The following KCNC1 variants were observed in gnomAD, a reference collection of about 807,000 sequenced individuals.
KCNC1 encodes the protein voltage-gated potassium channel KCNC1.
In KCNC1, 8 loss-of-function variants were observed where a neutral mutation model predicts 43.4. That is an observed-to-expected ratio of 0.18 (90% confidence interval 0.11 to 0.33). The LOEUF (loss-of-function observed/expected upper bound fraction) is 0.33. Ranked by LOEUF, KCNC1 falls within the 10% of genes least tolerant of loss-of-function variation. The pLI, the probability that KCNC1 is intolerant of heterozygous loss-of-function variation, is 1.00. For missense variants in KCNC1, 420 were observed against 836.0 expected, an observed-to-expected ratio of 0.50 and a Z score of 6.14; for synonymous variants, 361 against 360.5, an observed-to-expected ratio of 1.00 and a Z score of -0.01.
rs1451385810 is a variant in KCNC1 at position 17,773,317 on chromosome 11, C to G, written c.1504+719C>G. 1.0e-6 allele frequency: 1 copy of G among 985,330 alleles called. No individual in the cohort carries two copies. The highest frequency in any genetic ancestry group is 1.2e-6 in the Non-Finnish European group (1 of 829,962). 61.0% of individuals were successfully genotyped at this position (985,330 alleles called of 1,614,324 possible). A position where few individuals can be genotyped will look rare whatever the true frequency, so the allele number is the denominator to read the frequency against. ...TCTTTAGGAACCTGTTGAAGTGACT[C>G]TAGCTTTCACGTTGTCTGTTTGGGT... On this transcript the variant is annotated intron_variant, in intron 2 of 3. Transcript: ENST00000265969. This position sits in a 1 kb window ranked among gnomAD's most constrained non-coding sequence, Gnocchi z 4.1.
At chr11:17,744,763 G>T (rs1848878934) in intron 1 of KCNC1, among the ~76,000 whole-genome samples, 1 of 152,098 alleles carries the variant, frequency 6.6e-6, no homozygotes, top group Admixed American at 6.5e-5. Flanking sequence ...CTGGGTAGGG[G>T]TGTTTGCGAT....
Position 17,739,362 on chromosome 11 carries a change from CGTGTGTGTGT to C in KCNC1, c.570+2818_570+2827del, listed in dbSNP as rs35211986. Among the ~76,000 whole-genome samples, 19,327 of 149,352 alleles carry C rather than the reference CGTGTGTGTGT, an allele frequency of 0.13. 1,474 individuals carry two copies. Among genetic ancestry groups the C allele is most frequent in the East Asian group, 0.37 (1,853 of 5,018 alleles). On this transcript the variant is annotated intron_variant, in intron 1 of 3. Transcript: ENST00000265969. This position sits in a 1 kb window ranked among gnomAD's most constrained non-coding sequence, Gnocchi z 4.2. ...GTGAGAATAAATGTGAGACTCCAGGCGTGTGTGTGTGTGTGTGTGTGTGTGTGTGTGTGTG... is the reference window on the plus strand; with the variant it reads ...GTGAGAATAAATGTGAGACTCCAGGCGTGTGTGTGTGTGTGTGTGTGTGTG...
intron 1 of KCNC1, among the ~76,000 whole-genome samples, chr11:17,756,473 GT>G (rs1247371637): frequency 6.6e-6 from 1 of 151,410 alleles, no homozygotes; most frequent in African/African-American, 2.4e-5. Flanking sequence ...TCCCACCTGG[GT>G]TTTGTCCATT....
chr11:17,743,158 C>G (rs186147310), intron 1 of KCNC1, among the ~76,000 whole-genome samples: 1 of 152,224 alleles, frequency 6.6e-6, no homozygotes, highest in Non-Finnish European at 1.5e-5. Flanking sequence ...TATACTATCA[C>G]GCCAATGACA....
chr11:17,736,181 A>AC lies in KCNC1; in HGVS notation c.183dup (p.Gly62ArgfsTer98). On this transcript the variant is annotated frameshift_variant, in exon 1 of 4. Transcript: ENST00000265969. LOFTEE classifies it high-confidence loss of function. The surrounding 1 kb of genome is among the most constrained non-coding windows in gnomAD (Gnocchi z 9.3). ...GCTGACGAGTTCTTCTTCGACCGCC[A>AC]CCCCGGCGTCTTCGCGCACATCCTG... 6.2e-7 allele frequency: 1 copy of AC among 1,613,476 alleles called. No homozygotes were observed. The highest frequency in any genetic ancestry group is 8.5e-7 in the Non-Finnish European group (1 of 1,179,780).
intron 1 of KCNC1, among the ~76,000 whole-genome samples, chr11:17,764,162 A>G (rs1384775918): frequency 1.4e-5 from 2 of 140,674 alleles, no homozygotes; most frequent in East Asian, 2.3e-4. Flanking sequence ...ATATAGCCCT[A>G]TATACACACA....
In KCNC1 at chr11:17,777,550, C is replaced by T. The variant is rs995862780; in HGVS notation, c.1505-1906C>T. The stretch of plus-strand genomic sequence containing the variant: ...GGGCCAGCCAGAGTGGGAGGCAGGA[C>T]CAGCGTGTCTGCGAGCACACGTGTG... On this transcript the variant is annotated intron_variant, in intron 2 of 3. Coordinates refer to ENST00000265969, the MANE Select transcript of KCNC1 (RefSeq NM_001112741.2). This position sits in a 1 kb window ranked among gnomAD's most constrained non-coding sequence, Gnocchi z 4.3. The T allele has an allele frequency of 4.9e-5, 48 of 985,804 alleles. No individual in the cohort carries two copies. Among genetic ancestry groups the T allele is most frequent in the Admixed American group, 2.5e-4 (4 of 16,268 alleles). 61.1% of individuals were successfully genotyped at this position (985,804 alleles called of 1,614,324 possible).
chr11:17,776,842 T>G lies in KCNC1; in HGVS notation c.1505-2614T>G, dbSNP rs1194205092. On this transcript the variant is annotated intron_variant, in intron 2 of 3. Coordinates refer to ENST00000265969, the MANE Select transcript of KCNC1 (RefSeq NM_001112741.2). This position sits in a 1 kb window ranked among gnomAD's most constrained non-coding sequence, Gnocchi z 4.4. ...CTTTCTTCAAGCCACCCCTCTGGAGTTGGGGAGGGAGAATGCCCCAGTTTC... is the reference window on the plus strand; with the variant it reads ...CTTTCTTCAAGCCACCCCTCTGGAGGTGGGGAGGGAGAATGCCCCAGTTTC... 1.0e-6 allele frequency: 1 copy of G among 985,134 alleles called. No homozygotes were observed. Among genetic ancestry groups the G allele is most frequent in the Admixed American group, 6.2e-5 (1 of 16,256 alleles). 61.0% of individuals were successfully genotyped at this position (985,134 alleles called of 1,614,324 possible).
At chr11:17,774,711 GTC>G (rs1849266165) in intron 2 of KCNC1, 1 of 985,440 alleles carries the variant, frequency 1.0e-6, no homozygotes, top group Admixed American at 6.1e-5. Flanking sequence ...GGCTTGGACA[GTC>G]TCTGTGGCTG....
intron 1 of KCNC1, among the ~76,000 whole-genome samples, chr11:17,767,451 G>T (rs1849167162): frequency 6.6e-6 from 1 of 152,196 alleles, no homozygotes; most frequent in East Asian, 1.9e-4. Context: ...TCACCAAGCT[G>T]GTGTGAGGAC....
intron 2 of KCNC1, chr11:17,775,489 G>A (rs1849274983): frequency 1.0e-6 from 1 of 985,418 alleles, no homozygotes; most frequent in Admixed American, 6.1e-5. Flanking sequence ...CTGGTTGTAG[G>A]ACCTCTTGGG....
Position 17,781,712 on chromosome 11 carries a change from CAG to C in KCNC1, c.1739_1740del (p.Glu580GlyfsTer52), listed in dbSNP as rs1291861535. On this transcript the variant is annotated frameshift_variant, in exon 4 of 4. Coordinates refer to ENST00000265969, the MANE Select transcript of KCNC1 (RefSeq NM_001112741.2). LOFTEE classifies it high-confidence loss of function. The surrounding 1 kb of genome is among the most constrained non-coding windows in gnomAD (Gnocchi z 5.1). ...CCTGTCATTGCTAAGTATATGCCGA[CAG>C]AGGCTGTGAGAGTGACTTGACCAGG... The C allele has an allele frequency of 6.4e-7, 1 of 1,551,494 alleles. No homozygotes were observed. Among genetic ancestry groups the C allele is most frequent in the Non-Finnish European group, 8.7e-7 (1 of 1,146,800 alleles).
chr11:17,741,644 G>A (rs923160178), intron 1 of KCNC1, among the ~76,000 whole-genome samples: 2 of 152,092 alleles, frequency 1.3e-5, no homozygotes, highest in South Asian at 2.1e-4. Flanking sequence ...GATCGCCCGA[G>A]CCTGCTTAGA....
chr11:17,764,884 A>C (rs540110498), intron 1 of KCNC1, among the ~76,000 whole-genome samples: 1 of 152,116 alleles, frequency 6.6e-6, no homozygotes, highest in South Asian at 2.1e-4. Context: ...CTCAACTGAC[A>C]ATTTATTTAG....
chr11:17,781,649 A>C lies in KCNC1; in HGVS notation c.1694-21A>C. The C allele has an allele frequency of 6.6e-7, 1 of 1,510,546 alleles. No homozygotes were observed. The highest frequency in any genetic ancestry group is 1.2e-5 in the South Asian group (1 of 82,918). The allele number at this position is 1,510,546 out of a possible 1,614,324, so 93.6% of individuals were successfully genotyped here. On this transcript the variant is annotated intron_variant, in intron 3 of 3. Transcript: ENST00000265969. This position sits in a 1 kb window ranked among gnomAD's most constrained non-coding sequence, Gnocchi z 5.1. Reference sequence around the variant, plus strand: ...AGCCAAGAAGAGAAGCTCAAGTGTTAATTGTATTCTTTACATACAGATCTT... The same window carrying C: ...AGCCAAGAAGAGAAGCTCAAGTGTTCATTGTATTCTTTACATACAGATCTT...
intron 1 of KCNC1, among the ~76,000 whole-genome samples, chr11:17,750,367 A>G (rs1848953314): frequency 6.6e-6 from 1 of 152,210 alleles, no homozygotes; most frequent in Non-Finnish European, 1.5e-5. Context: ...CCTCAGGGCC[A>G]GGAGCCACCA....
chr11:17,751,281 G>T (rs1193614092), intron 1 of KCNC1, among the ~76,000 whole-genome samples: 1 of 152,166 alleles, frequency 6.6e-6, no homozygotes, highest in African/African-American at 2.4e-5. Flanking sequence ...AGTAATGGAC[G>T]AATAGATGAA....
intron 1 of KCNC1, among the ~76,000 whole-genome samples, chr11:17,743,921 T>C (rs1354862567): frequency 1.3e-5 from 2 of 152,206 alleles, no homozygotes; most frequent in African/African-American, 4.8e-5. Context: ...CACTGGGCAC[T>C]GAGTCATCCA....
chr11:17,776,801 C>T lies in KCNC1; in HGVS notation c.1505-2655C>T. ...GGGTTCCCCAGATTTATACAGTTGG[C>T]CCCTCGTTGGTTTCTCTTTCTTCAA... is the stretch of plus-strand genomic sequence containing the variant. On this transcript the variant is annotated intron_variant, in intron 2 of 3. Coordinates refer to ENST00000265969, the MANE Select transcript of KCNC1 (RefSeq NM_001112741.2). The surrounding 1 kb of genome is among the most constrained non-coding windows in gnomAD (Gnocchi z 4.4). The T allele has an allele frequency of 1.0e-6, 1 of 985,348 alleles. No homozygotes were observed. The highest frequency in any genetic ancestry group is 1.2e-6 in the Non-Finnish European group (1 of 830,014). 61.0% of individuals were successfully genotyped at this position (985,348 alleles called of 1,614,324 possible).
Sources: allele counts gnomAD v4.1 joint callset (sites outside exome capture counted in the v4.1 genomes callset), GRCh38; gene constraint gnomAD v4.1.1; non-coding constraint Gnocchi (gnomAD v3.1); transcripts MANE v1.5; gene names NCBI Gene and HGNC (gene_info 2026-07-23, HGNC 2026-07-21).